The following NTN1 variants were observed in gnomAD, a reference collection of about 807,000 sequenced individuals.
The protein encoded by NTN1 is netrin-1.
In NTN1, 11 loss-of-function variants were observed where a neutral mutation model predicts 54.2. The ratio of observed to expected loss-of-function variants is 0.20; its 90% CI spans 0.13 to 0.34. NTN1 has a LOEUF of 0.34. Ranked by LOEUF, NTN1 falls within the 10% of genes least tolerant of loss-of-function variation. The pLI is 1.00. For synonymous variants in NTN1, 371 were observed against 382.0 expected (o/e 0.97, Z 0.33); for missense variants, 740 against 893.1 (o/e 0.83, Z 2.18).
chr17:9,138,057 G>A (rs1006942995), intron 2 of NTN1, among the ~76,000 whole-genome samples: 3 of 152,196 alleles, frequency 2.0e-5, no homozygotes, highest in African/African-American at 7.2e-5. Flanking sequence ...CCACCATGAG[G>A]TGAGAGCGGG....
chr17:9,084,842 G>A (rs1168437745), intron 2 of NTN1, among the ~76,000 whole-genome samples: 1 of 151,736 alleles, frequency 6.6e-6, no homozygotes, highest in East Asian at 1.9e-4. Flanking sequence ...TAGTAGAGAT[G>A]GGGTTTCACT....
intron 6 of NTN1, among the ~76,000 whole-genome samples, chr17:9,231,908 C>T (rs114395885): frequency 0.016 from 2,442 of 152,094 alleles, 51 homozygotes; most frequent in Middle Eastern, 0.054. Flanking sequence ...GGCCTCGGGG[C>T]GGTTGGGGGG....
In NTN1 at chr17:9,183,455, C is replaced by T. The variant is rs1432770491; in HGVS notation, c.1411+486C>T. 7.6e-6 allele frequency: 3 copies of T among 392,644 alleles called. No individual in the cohort carries two copies. The East Asian group carries it at 2.2e-4, about 28-fold the overall frequency. The allele number at this position is 392,644 out of a possible 1,614,324, so 24.3% of individuals were successfully genotyped here. A position where few individuals can be genotyped will look rare whatever the true frequency, so the allele number is the denominator to read the frequency against. The stretch of plus-strand genomic sequence containing the variant: ...TCTAACTAAAAATTTAGCATTTCCT[C>T]CATGGCAAAGAGAGGCCGCAGACCG... On this transcript the variant is annotated intron_variant, in intron 5 of 6. Transcript: ENST00000173229.
intron 2 of NTN1, among the ~76,000 whole-genome samples, chr17:9,047,686 T>A (rs1007946325): frequency 8.6e-5 from 13 of 151,224 alleles, no homozygotes; most frequent in African/African-American, 3.2e-4. Context: ...CTCTCATGAA[T>A]CACGAATTTT....
intron 2 of NTN1, among the ~76,000 whole-genome samples, chr17:9,100,188 A>G (rs908615763): frequency 6.6e-6 from 1 of 151,964 alleles, no homozygotes; most frequent in Non-Finnish European, 1.5e-5. Context: ...ATATGTGTGT[A>G]TATATATATT....
intron 2 of NTN1, among the ~76,000 whole-genome samples, chr17:9,159,458 C>T (rs2092351551): frequency 1.3e-5 from 2 of 152,144 alleles, no homozygotes; most frequent in African/African-American, 4.8e-5. Flanking sequence ...GTGTATAAGC[C>T]AGTACAGCCT....
At chr17:9,067,318 C>T (rs923202725) in intron 2 of NTN1, among the ~76,000 whole-genome samples, 2 of 151,596 alleles carry the variant, frequency 1.3e-5, no homozygotes, top group Admixed American at 6.6e-5. Context: ...GATAATGTCT[C>T]CTAAGGCTAT....
At chr17:9,227,384 C>CAA (rs1905611894) in intron 6 of NTN1, among the ~76,000 whole-genome samples, 1 of 54,158 alleles carries the variant, frequency 1.8e-5, no homozygotes, top group Non-Finnish European at 3.5e-5. Flanking sequence ...TCACACACCA[C>CAA]ACACTATCAC....
At chr17:9,195,647 G>A (rs80331030) in intron 5 of NTN1, among the ~76,000 whole-genome samples, 690 of 152,290 alleles carry the variant, frequency 4.5e-3, no homozygotes, top group Non-Finnish European at 8.1e-3. Context: ...GCAGATTCCT[G>A]TACAGGTCCT....
intron 2 of NTN1, among the ~76,000 whole-genome samples, chr17:9,052,396 C>T (rs1466447400): frequency 6.6e-6 from 1 of 152,098 alleles, no homozygotes; most frequent in East Asian, 1.9e-4. Context: ...CAGTACCCAC[C>T]CTAGAGAAAC....
chr17:9,078,165 G>A (rs1173281339), intron 2 of NTN1, among the ~76,000 whole-genome samples: 1 of 152,200 alleles, frequency 6.6e-6, no homozygotes, highest in Non-Finnish European at 1.5e-5. Context: ...TGGGAGAGTG[G>A]TGAGCAGAAG....
intron 5 of NTN1, among the ~76,000 whole-genome samples, chr17:9,194,468 C>T (rs760448254): frequency 1.3e-5 from 2 of 152,116 alleles, no homozygotes; most frequent in African/African-American, 4.8e-5. Context: ...GGTGTGGAAA[C>T]GGAAAGACAT....
rs143104194 is a variant in NTN1 at position 9,237,216 on chromosome 17, G to A, written c.1487-2424G>A. Among the ~76,000 whole-genome samples, 1,140 of 152,216 alleles carry A rather than the reference G, an allele frequency of 7.5e-3. 9 individuals carry two copies. Among genetic ancestry groups the A allele is most frequent in the African/African-American group, 0.026 (1,060 of 41,516 alleles). ...TCTGGAAGTCCAAGATCAAGGTGTC[G>A]GTAGGGTTGCTTTCCTCCAAGTCCT... On this transcript the variant is annotated intron_variant, in intron 6 of 6. Transcript: ENST00000173229.
intron 2 of NTN1, among the ~76,000 whole-genome samples, chr17:9,118,892 A>T (rs1232625910): frequency 6.6e-6 from 1 of 152,182 alleles, no homozygotes; most frequent in African/African-American, 2.4e-5. Flanking sequence ...TTGTGTATTC[A>T]TTCACTGGAT....
chr17:9,011,195 T>C, the NTN1 span, among the ~76,000 whole-genome samples: 1 of 152,204 alleles, frequency 6.6e-6, no homozygotes, highest in Admixed American at 6.5e-5. Context: ...TTAGCTGCCT[T>C]GCCCTTGCTC....
chr17:9,122,672 GAT>G (rs894136823), intron 2 of NTN1, among the ~76,000 whole-genome samples: 11 of 152,186 alleles, frequency 7.2e-5, no homozygotes, highest in Non-Finnish European at 1.5e-4. Context: ...AAAATTATAA[GAT>G]ATAGATTAGG....
At chr17:9,053,607 G>A (rs77558380) in intron 2 of NTN1, among the ~76,000 whole-genome samples, 2,256 of 152,304 alleles carry the variant, frequency 0.015, 68 homozygotes, top group African/African-American at 0.051. Flanking sequence ...GATTCCGACT[G>A]TTATCTTTCT....
At chr17:9,194,235 CAA>C (rs35308916) in intron 5 of NTN1, among the ~76,000 whole-genome samples, 1 of 148,802 alleles carries the variant, frequency 6.7e-6, no homozygotes, top group East Asian at 2.0e-4. Flanking sequence ...GACTCTGTCT[CAA>C]AAAAAAAAAT....
intron 3 of NTN1, among the ~76,000 whole-genome samples, chr17:9,179,340 C>T (rs1254341735): frequency 3.3e-5 from 5 of 152,196 alleles, no homozygotes; most frequent in Admixed American, 3.3e-4. Context: ...TTCACCAGGC[C>T]TCAAACCCCA....
Sources: gnomAD v4.1 joint callset for allele counts (sites outside exome capture counted in the v4.1 genomes callset) on GRCh38, gnomAD v4.1.1 for gene constraint, MANE v1.5 for transcripts, NCBI Gene and HGNC (gene_info 2026-07-23, HGNC 2026-07-21) for gene names.